Variants in LPP observed in about 807,000 individuals in gnomAD.
LPP encodes the protein LIM domain containing preferred translocation partner in lipoma, also known as lipoma-preferred partner.
A neutral mutation model predicts 60.4 loss-of-function variants in LPP; 38 were observed. The ratio of observed to expected loss-of-function variants is 0.63; its 90% CI spans 0.49 to 0.83. The LOEUF (loss-of-function observed/expected upper bound fraction) is 0.83. LPP is among the 40% of genes least tolerant of loss of function. The probability of loss-of-function intolerance (pLI) is 0.00; values close to 1 mark genes in which losing one functional copy is unlikely to be tolerated. For missense variants in LPP, 902 were observed against 783.6 expected, an observed-to-expected ratio of 1.15 and a Z score of -1.80; for synonymous variants, 328 against 290.8, an observed-to-expected ratio of 1.13 and a Z score of -1.30.
At chr3:188,364,773 G>A (rs1017815869) in intron 3 of LPP, among the ~76,000 whole-genome samples, 1 of 152,154 alleles carries the variant, frequency 6.6e-6, no homozygotes, top group Non-Finnish European at 1.5e-5. Context: ...CTGCCCTCTG[G>A]CCACCATTCA....
chr3:188,400,676 AG>A (rs1041550538), intron 3 of LPP, among the ~76,000 whole-genome samples: 3 of 152,162 alleles, frequency 2.0e-5, no homozygotes, highest in Non-Finnish European at 4.4e-5. Flanking sequence ...TGCTTAGAGG[AG>A]GGCCACTGCT....
chr3:188,198,388 C>T (rs774033798), intron 1 of LPP, among the ~76,000 whole-genome samples: 8 of 152,168 alleles, frequency 5.3e-5, no homozygotes, highest in Non-Finnish European at 7.3e-5. Flanking sequence ...AGGGCCTGGG[C>T]TTGATGCTGG....
chr3:188,561,591 C>T (rs11710884), intron 6 of LPP, among the ~76,000 whole-genome samples: 65,932 of 151,850 alleles, frequency 0.43, 15,398 homozygotes, highest in East Asian at 0.92. Flanking sequence ...TGTGGCAAAT[C>T]GCTTTACTTC....
At chr3:188,545,784 A>T (rs1826479398) in intron 6 of LPP, among the ~76,000 whole-genome samples, 1 of 152,132 alleles carries the variant, frequency 6.6e-6, no homozygotes, top group African/African-American at 2.4e-5. Context: ...GTTATGACTT[A>T]GTTTTAGAAC....
chr3:188,171,425 C>T (rs1359034041), intron 1 of LPP, among the ~76,000 whole-genome samples: 1 of 152,174 alleles, frequency 6.6e-6, no homozygotes, highest in East Asian at 1.9e-4. Context: ...GTAAATCTTC[C>T]TTTCTCATTC....
chr3:188,403,286 C>T (rs751015135), intron 3 of LPP, among the ~76,000 whole-genome samples: 1 of 152,010 alleles, frequency 6.6e-6, no homozygotes, highest in Non-Finnish European at 1.5e-5. Context: ...GTGCTATATC[C>T]GAAAAGCCAA....
intron 3 of LPP, among the ~76,000 whole-genome samples, chr3:188,387,251 A>G (rs889286184): frequency 2.6e-5 from 4 of 151,992 alleles, no homozygotes; most frequent in African/African-American, 9.7e-5. Context: ...CCATAAATCT[A>G]TTACCCAGAT....
At chr3:188,601,051 A>G (rs1841060298) in intron 6 of LPP, among the ~76,000 whole-genome samples, 1 of 152,100 alleles carries the variant, frequency 6.6e-6, no homozygotes, top group African/African-American at 2.4e-5. Flanking sequence ...ATTGTGAATA[A>G]TACTGCTATG....
At chr3:188,563,716 G>T (rs1245201925) in intron 6 of LPP, among the ~76,000 whole-genome samples, 10 of 108,046 alleles carry the variant, frequency 9.3e-5, no homozygotes, top group Non-Finnish European at 1.4e-4. Context: ...GGAATTGCTT[G>T]TGTTTTTTTT....
At chr3:188,775,891 G>A (rs1456588505) in intron 9 of LPP, among the ~76,000 whole-genome samples, 1 of 152,240 alleles carries the variant, frequency 6.6e-6, no homozygotes, top group Non-Finnish European at 1.5e-5. Flanking sequence ...CTATAAAGGG[G>A]AATTTAGGAA....
At chr3:188,849,788 G>A (rs1577963517) in intron 9 of LPP, among the ~76,000 whole-genome samples, 1 of 152,334 alleles carries the variant, frequency 6.6e-6, no homozygotes, top group African/African-American at 2.4e-5. Flanking sequence ...GCCTAGCCCA[G>A]TGTTTAGTAT....
intron 7 of LPP, among the ~76,000 whole-genome samples, chr3:188,638,929 G>C (rs1849443795): frequency 6.6e-6 from 1 of 152,074 alleles, no homozygotes; most frequent in Non-Finnish European, 1.5e-5. Context: ...TTGTGAAAAT[G>C]GCCATACTGC....
At chr3:188,378,294 TG>T (rs1775808274) in intron 3 of LPP, among the ~76,000 whole-genome samples, 1 of 152,218 alleles carries the variant, frequency 6.6e-6, no homozygotes, top group South Asian at 2.1e-4. Context: ...GTCTGTGCCC[TG>T]CCCCCAGAGG....
chr3:188,430,050 A>C (rs533174511), intron 4 of LPP, among the ~76,000 whole-genome samples: 16 of 152,228 alleles, frequency 1.1e-4, no homozygotes, highest in Non-Finnish European at 2.1e-4. Flanking sequence ...AAGATCAAAA[A>C]TAAGTTAAAA....
intron 3 of LPP, among the ~76,000 whole-genome samples, chr3:188,366,960 G>T (rs1261082380): frequency 1.3e-5 from 2 of 151,540 alleles, no homozygotes; most frequent in African/African-American, 4.9e-5. Context: ...GCAGTGGTGC[G>T]ATCTCGCCTC....
intron 3 of LPP, among the ~76,000 whole-genome samples, chr3:188,378,872 G>C (rs1450540230): frequency 6.6e-6 from 1 of 152,144 alleles, no homozygotes; most frequent in Non-Finnish European, 1.5e-5. Context: ...CTATGTTCCA[G>C]ACATATCATT....
chr3:188,770,946 A>G (rs1445734610), intron 9 of LPP, among the ~76,000 whole-genome samples: 3 of 152,226 alleles, frequency 2.0e-5, no homozygotes, highest in Non-Finnish European at 4.4e-5. Flanking sequence ...GTTTGAAAAC[A>G]TTAGCGTGCT....
chr3:188,753,580 C>CGTGCGTGT lies in LPP; in HGVS notation c.1241-6530_1241-6529insCGTGTGTG, dbSNP rs367698835. 3.7e-3 allele frequency among the ~76,000 whole-genome samples: 519 copies of CGTGCGTGT among 139,622 alleles called. 5 individuals are homozygous for CGTGCGTGT. The highest frequency in any genetic ancestry group is 0.013 in the African/African-American group (495 of 36,962). The allele number at this position is 139,622 out of a possible 152,430, so 91.6% of individuals were successfully genotyped here. ...CCTTGGGGTTTTGGCTTGTTGTGTG[C>CGTGCGTGT]GTGTGTGTGTGTGTGTGTGTGTGTG... On this transcript the variant is annotated intron_variant, in intron 8 of 11. Transcript: ENST00000617246.
In LPP at chr3:188,890,493, G is replaced by T. The variant is rs1771130291; in HGVS notation, c.*16014G>T. The T allele has an allele frequency of 5.3e-6, 1 of 189,516 alleles. No homozygotes were observed. The highest frequency in any genetic ancestry group is 1.1e-5 in the Non-Finnish European group (1 of 90,346). 11.7% of individuals were successfully genotyped at this position (189,516 alleles called of 1,614,324 possible). A position where few individuals can be genotyped will look rare whatever the true frequency, so the allele number is the denominator to read the frequency against. On this transcript the variant is annotated 3_prime_UTR_variant, in exon 12 of 12. Transcript: ENST00000617246. Reference sequence around the variant, plus strand: ...TTTAGGTATTTTCTTTTGTGTTTATGCATTATCTGACTATATTAAAACCTG... The same window carrying T: ...TTTAGGTATTTTCTTTTGTGTTTATTCATTATCTGACTATATTAAAACCTG...
Sources: allele counts gnomAD v4.1 joint callset (sites outside exome capture counted in the v4.1 genomes callset), GRCh38; gene constraint gnomAD v4.1.1; transcripts MANE v1.5; gene names NCBI Gene and HGNC (gene_info 2026-07-23, HGNC 2026-07-21).